Variants in RIMBP2 observed in about 807,000 individuals in gnomAD.
RIMBP2 encodes RIMS-binding protein 2.
Under a neutral mutation model 118.6 loss-of-function variants are expected in RIMBP2, and 48 were observed. That is an observed-to-expected ratio of 0.40 (90% CI 0.32 to 0.51). The LOEUF is 0.51. Ranked by LOEUF, RIMBP2 falls within the 20% of genes least tolerant of loss-of-function variation. The pLI, the probability that RIMBP2 is intolerant of heterozygous loss-of-function variation, is 0.41. For synonymous variants in RIMBP2, 762 were observed against 742.9 expected, an observed-to-expected ratio of 1.03 and a Z score of -0.42; for missense variants, 1,551 against 1,768.3, an observed-to-expected ratio of 0.88 and a Z score of 2.20.
At chr12:130,606,816 G>C (rs10848157) in intron 2 of RIMBP2, among the ~76,000 whole-genome samples, 1 of 151,870 alleles carries the variant, frequency 6.6e-6, no homozygotes. Flanking sequence ...GCAACAGTCC[G>C]AGTCACCACA....
At chr12:130,585,837 C>T (rs1030814443) in intron 2 of RIMBP2, among the ~76,000 whole-genome samples, 3 of 152,136 alleles carry the variant, frequency 2.0e-5, no homozygotes, top group African/African-American at 7.2e-5. Flanking sequence ...TCACGTCTTG[C>T]CTGATTCCCA....
chr12:130,407,824 T>C lies in RIMBP2; in HGVS notation c.3595A>G (p.Ser1199Gly). ...LNTPVEKIER[S>G]RRSGRRHSVS... ...GAATGACGCCTGCCACTTCTCCTGC[T>C]TCTCTCTGTTCAGATCACAAGGGGG... Residue 1199 changes from serine (S) to glycine (G), a missense_variant, in exon 20 of 23, where the codon AGC becomes GGC. Coordinates refer to ENST00000690449, the MANE Select transcript of RIMBP2 (RefSeq NM_001393629.1). 6 of 1,613,570 alleles carry C rather than the reference T, an allele frequency of 3.7e-6. No individual in the cohort carries two copies. Among genetic ancestry groups the C allele is most frequent in the Non-Finnish European group, 5.1e-6 (6 of 1,179,532 alleles).
intron 6 of RIMBP2, among the ~76,000 whole-genome samples, chr12:130,467,729 C>G (rs1285056710): frequency 4.6e-5 from 7 of 152,228 alleles, no homozygotes; most frequent in African/African-American, 1.7e-4. Context: ...AGTTGTCTCA[C>G]CTTTCCAGAC....
At chr12:130,426,759 C>T (rs1354690783) in intron 15 of RIMBP2, 2 of 152,254 alleles carry the variant, frequency 1.3e-5, no homozygotes, top group Non-Finnish European at 2.9e-5. Context: ...GACCCTGGGC[C>T]ACCTTCTGAG....
chr12:130,414,582 G>A, intron 17 of RIMBP2: 1 of 287,756 alleles, frequency 3.5e-6, no homozygotes. Context: ...AGCACAGGCT[G>A]GGGCAGGGGC....
At chr12:130,618,512 G>C (rs1462365257) in intron 2 of RIMBP2, among the ~76,000 whole-genome samples, 5 of 152,092 alleles carry the variant, frequency 3.3e-5, no homozygotes, top group African/African-American at 1.2e-4. Flanking sequence ...AAACATCCCG[G>C]TGTTCAGCAG....
At chr12:130,640,646 G>A (rs1442466669) in intron 1 of RIMBP2, among the ~76,000 whole-genome samples, 2 of 152,206 alleles carry the variant, frequency 1.3e-5, no homozygotes, top group South Asian at 2.1e-4. Flanking sequence ...TGTTACGAGG[G>A]AGACACCACG....
chr12:130,529,596 T>C (rs1250927730), intron 2 of RIMBP2, among the ~76,000 whole-genome samples: 1 of 152,232 alleles, frequency 6.6e-6, no homozygotes, highest in African/African-American at 2.4e-5. Flanking sequence ...TTGTTCACTA[T>C]AAATGGTTAA....
At chr12:130,646,053 C>CCCTCACCACCTG (rs1344065465) in intron 1 of RIMBP2, among the ~76,000 whole-genome samples, 3 of 127,558 alleles carry the variant, frequency 2.4e-5, no homozygotes, top group Non-Finnish European at 3.6e-5. Context: ...CTCTCCACCT[C>CCCTCACCACCTG]CCTCACCACC....
At chr12:130,441,776 T>C in intron 11 of RIMBP2, 72 bp downstream of exon 11, 1 of 1,368,300 alleles carries the variant, frequency 7.3e-7, no homozygotes, top group Admixed American at 2.1e-5. Flanking sequence ...TGCCCCACCT[T>C]CCCTCCCCAC....
intron 1 of RIMBP2, among the ~76,000 whole-genome samples, chr12:130,679,914 G>A (rs1594193698): frequency 1.3e-5 from 2 of 151,144 alleles, no homozygotes; most frequent in African/African-American, 2.5e-5. Flanking sequence ...CATGCAGGCA[G>A]TGTGTTCACC....
chr12:130,502,329 CG>C (rs1424278652), intron 4 of RIMBP2, among the ~76,000 whole-genome samples: 1 of 152,182 alleles, frequency 6.6e-6, no homozygotes, highest in Non-Finnish European at 1.5e-5. Flanking sequence ...CTTATTGGGA[CG>C]GGGGTAATAC....
At chr12:130,480,610 T>G (rs12809510) in intron 4 of RIMBP2, among the ~76,000 whole-genome samples, 17,028 of 152,244 alleles carry the variant, frequency 0.11, 2,474 homozygotes, top group African/African-American at 0.34. Context: ...TATTTATTTT[T>G]ATTTTTTTGA....
rs983545608 is a variant in RIMBP2, at chr12:130,554,978, T to C, written c.-216-37061A>G. ...CCTAAATATTTAGCAAAGATTTGAA[T>C]TCACTTATGTGCTGTTCTAAACATT... On this transcript the variant is annotated intron_variant, in intron 2 of 22. Transcript: ENST00000690449. Among the ~76,000 whole-genome samples, 8 of 152,382 alleles carry C rather than the reference T, an allele frequency of 5.2e-5. No homozygotes were observed. The South Asian group carries it at 1.0e-3, about 20-fold the overall frequency.
chr12:130,585,325 C>T (rs139460939), intron 2 of RIMBP2, among the ~76,000 whole-genome samples: 88 of 152,148 alleles, frequency 5.8e-4, no homozygotes, highest in Middle Eastern at 3.4e-3. Context: ...GCCTTTTGGA[C>T]GTTTGGGGAG....
At chr12:130,399,273 T>C in intron 22 of RIMBP2, 1 of 554,188 alleles carries the variant, frequency 1.8e-6, no homozygotes, top group Middle Eastern at 6.1e-4. Context: ...ATGAATGTAG[T>C]CTAATAGTTC....
intron 5 of RIMBP2, chr12:130,472,116 G>A (rs1329793257): frequency 6.6e-6 from 1 of 152,336 alleles, no homozygotes; most frequent in African/African-American, 2.4e-5. Context: ...CCAAGTCCTG[G>A]TGATGTCGGG....
At chr12:130,714,654 A>C (rs1490532346) in intron 1 of RIMBP2, among the ~76,000 whole-genome samples, 1 of 152,170 alleles carries the variant, frequency 6.6e-6, no homozygotes, top group South Asian at 2.1e-4. Context: ...GGCGGCTGCC[A>C]TATGGCCACG....
intron 1 of RIMBP2, among the ~76,000 whole-genome samples, chr12:130,680,500 TACACACATAC>T (rs1487348583): frequency 1.3e-5 from 2 of 152,134 alleles, no homozygotes; most frequent in African/African-American, 2.4e-5. Context: ...CACACTCAGA[TACACACATAC>T]ACACGCAAGC....
Sources: gnomAD v4.1 joint callset for allele counts (sites outside exome capture counted in the v4.1 genomes callset) on GRCh38, gnomAD v4.1.1 for gene constraint, MANE v1.5 for transcripts, NCBI Gene and HGNC (gene_info 2026-07-23, HGNC 2026-07-21) for gene names.